Variants in GNB4 observed in about 807,000 individuals in gnomAD.
The protein encoded by GNB4 is G protein subunit beta 4, also known as guanine nucleotide-binding protein subunit beta-4.
Under a neutral mutation model 45.2 loss-of-function variants are expected in GNB4, and 28 were observed. That is an observed-to-expected ratio of 0.62 (90% CI 0.46 to 0.85). The LOEUF (loss-of-function observed/expected upper bound fraction) is 0.85. Ranked by LOEUF, GNB4 falls within the 40% of genes least tolerant of loss-of-function variation. The pLI, the probability that GNB4 is intolerant of heterozygous loss-of-function variation, is 0.00. For synonymous variants in GNB4, 132 were observed against 143.7 expected (o/e 0.92, Z 0.58); for missense variants, 321 against 425.4 (o/e 0.75, Z 2.16).
intron 1 of GNB4, among the ~76,000 whole-genome samples, chr3:179,447,106 A>G (rs1715752645): frequency 6.6e-6 from 1 of 152,168 alleles, no homozygotes; most frequent in African/African-American, 2.4e-5. Context: ...GTGACGAGGA[A>G]GGCTATTTTC....
the GNB4 span, among the ~76,000 whole-genome samples, chr3:179,519,940 G>A: frequency 3.9e-5 from 6 of 152,158 alleles, no homozygotes; most frequent in East Asian, 9.7e-4. Context: ...TCCCTTTACA[G>A]TTCCCCCATT....
the GNB4 span, among the ~76,000 whole-genome samples, chr3:179,464,144 C>T: frequency 6.6e-6 from 1 of 152,128 alleles, no homozygotes; most frequent in South Asian, 2.1e-4. Flanking sequence ...TGGACCCCTC[C>T]TCTGGGCCAA....
At chr3:179,460,596 C>A in the GNB4 span, among the ~76,000 whole-genome samples, 1 of 152,234 alleles carries the variant, frequency 6.6e-6, no homozygotes, top group South Asian at 2.1e-4. Flanking sequence ...TGTAGATTTG[C>A]TCTTTTTTCT....
the GNB4 span, among the ~76,000 whole-genome samples, chr3:179,524,015 A>G: frequency 6.6e-6 from 1 of 152,232 alleles, no homozygotes; most frequent in Admixed American, 6.5e-5. Context: ...CCTGGCCATC[A>G]ATACCCACAA....
chr3:179,441,048 C>A (rs1715581709), intron 1 of GNB4, among the ~76,000 whole-genome samples: 1 of 152,290 alleles, frequency 6.6e-6, no homozygotes, highest in African/African-American at 2.4e-5. Context: ...ATTATTTTGA[C>A]CTACTGTCAA....
chr3:179,448,193 T>C (rs926943395), intron 1 of GNB4, among the ~76,000 whole-genome samples: 3 of 152,216 alleles, frequency 2.0e-5, no homozygotes, highest in African/African-American at 7.2e-5. Flanking sequence ...ATTGTTATTG[T>C]TTGAAGTTTT....
the GNB4 span, among the ~76,000 whole-genome samples, chr3:179,507,136 C>A: frequency 2.0e-5 from 3 of 152,174 alleles, no homozygotes; most frequent in Non-Finnish European, 4.4e-5. Context: ...CTTCATGCAT[C>A]GTAAATAAGT....
intron 1 of GNB4, among the ~76,000 whole-genome samples, chr3:179,427,206 G>C (rs1307358071): frequency 6.6e-6 from 1 of 151,922 alleles, no homozygotes; most frequent in Non-Finnish European, 1.5e-5. Context: ...TTTGCTGATA[G>C]CACATGTGCA....
At chr3:179,403,313 A>C (rs761598251) in intron 9 of GNB4, among the ~76,000 whole-genome samples, 83 of 152,086 alleles carry the variant, frequency 5.5e-4, no homozygotes, top group Non-Finnish European at 1.1e-3. Context: ...GAAAAAAAAA[A>C]CTTGGAAACA....
chr3:179,461,496 CAAAAA>C, the GNB4 span, among the ~76,000 whole-genome samples: 1 of 134,646 alleles, frequency 7.4e-6, no homozygotes, highest in African/African-American at 2.7e-5. Flanking sequence ...GACTCCGTCT[CAAAAA>C]AAAAAAAAAA....
chr3:179,432,464 T>C (rs1415886419), intron 1 of GNB4, among the ~76,000 whole-genome samples: 3 of 152,134 alleles, frequency 2.0e-5, no homozygotes, highest in Admixed American at 6.6e-5. Context: ...CAATAAAGCA[T>C]GAATCTAGCA....
chr3:179,508,760 T>C, the GNB4 span, among the ~76,000 whole-genome samples: 2 of 151,904 alleles, frequency 1.3e-5, no homozygotes, highest in South Asian at 2.1e-4. Context: ...ATTTGCTCAA[T>C]GGAATATATT....
chr3:179,428,487 CCT>C (rs1179437455), intron 1 of GNB4, among the ~76,000 whole-genome samples: 2 of 152,138 alleles, frequency 1.3e-5, no homozygotes, highest in African/African-American at 4.8e-5. Context: ...GCTGACCATT[CCT>C]GAGATATCCC....
the GNB4 span, among the ~76,000 whole-genome samples, chr3:179,509,656 T>C: frequency 6.6e-6 from 1 of 151,164 alleles, no homozygotes; most frequent in Non-Finnish European, 1.5e-5. Flanking sequence ...CTTCCCTCTT[T>C]TTTTTTTTTT....
intron 5 of GNB4, 36 bp from the exon 6 acceptor site, chr3:179,415,083 A>G: frequency 6.7e-7 from 1 of 1,495,356 alleles, no homozygotes; most frequent in South Asian, 1.4e-5. Flanking sequence ...TCAGATTACA[A>G]AAACAGTCAT....
chr3:179,440,163 T>G (rs1715560496), intron 1 of GNB4, among the ~76,000 whole-genome samples: 1 of 152,222 alleles, frequency 6.6e-6, no homozygotes, highest in African/African-American at 2.4e-5. Flanking sequence ...GGTGTTATCT[T>G]CTCTTTCCTT....
At chr3:179,498,722 C>T in the GNB4 span, among the ~76,000 whole-genome samples, 1 of 146,910 alleles carries the variant, frequency 6.8e-6, no homozygotes, top group Non-Finnish European at 1.5e-5. Flanking sequence ...CGTGAGCCAC[C>T]GTGTCTGGCC....
At chr3:179,423,639 G>C (rs550259335) in intron 2 of GNB4, among the ~76,000 whole-genome samples, 1 of 152,206 alleles carries the variant, frequency 6.6e-6, no homozygotes, top group South Asian at 2.1e-4. Flanking sequence ...AAATTAGCTG[G>C]GCGTGGTGGT....
the GNB4 span, among the ~76,000 whole-genome samples, chr3:179,521,028 C>G: frequency 6.6e-6 from 1 of 152,198 alleles, no homozygotes; most frequent in Non-Finnish European, 1.5e-5. Context: ...TTCAGGCCCC[C>G]TCCCTTCCCT....
Sources: gnomAD v4.1 joint callset for allele counts (sites outside exome capture counted in the v4.1 genomes callset) on GRCh38, gnomAD v4.1.1 for gene constraint, MANE v1.5 for transcripts, NCBI Gene and HGNC (gene_info 2026-07-23, HGNC 2026-07-21) for gene names.